Variants in QSOX2 observed in about 807,000 individuals in gnomAD.
QSOX2 encodes sulfhydryl oxidase 2.
A neutral mutation model predicts 61.7 loss-of-function variants in QSOX2; 46 were observed. The ratio of observed to expected loss-of-function variants is 0.75; its 90% CI spans 0.59 to 0.95. QSOX2 has a LOEUF of 0.95. Ranked by LOEUF, QSOX2 falls within the 40% of genes least tolerant of loss-of-function variation. The pLI is 0.00. For missense variants in QSOX2, 879 were observed against 918.9 expected, an observed-to-expected ratio of 0.96 and a Z score of 0.56; for synonymous variants, 383 against 388.4, an observed-to-expected ratio of 0.99 and a Z score of 0.16.
intron 1 of QSOX2, among the ~76,000 whole-genome samples, 175 bp downstream of exon 1, chr9:136,245,301 G>C (rs1460963347): frequency 6.6e-6 from 1 of 152,172 alleles, no homozygotes; most frequent in African/African-American, 2.4e-5. Flanking sequence ...CCCGCCCCTG[G>C]AAAGGCCAGG....
Position 136,221,469 on chromosome 9 carries a change from G to A in QSOX2, c.821+327C>T, listed in dbSNP as rs1391799091. Among the ~76,000 whole-genome samples the A allele has an allele frequency of 6.6e-6, 1 of 152,244 alleles. No individual in the cohort carries two copies. The highest frequency in any genetic ancestry group is 1.5e-5 in the Non-Finnish European group (1 of 68,044). On this transcript the variant is annotated intron_variant, in intron 6 of 11. Transcript: ENST00000358701. The surrounding 1 kb of genome is among the most constrained non-coding windows in gnomAD (Gnocchi z 4.5). ...GTCCACCCAGAGCAGGGTTTTAGGA[G>A]CATCGGCTGCTCCCAAAGCCCCGGC...
chr9:136,232,883 T>G (rs1830343490), intron 1 of QSOX2, among the ~76,000 whole-genome samples: 1 of 127,152 alleles, frequency 7.9e-6, no homozygotes, highest in South Asian at 2.4e-4. Context: ...ATTGCACCAC[T>G]GCACTCCAGC....
intron 6 of QSOX2, among the ~76,000 whole-genome samples, chr9:136,219,830 A>C (rs913687155): frequency 6.6e-6 from 1 of 152,214 alleles, no homozygotes; most frequent in East Asian, 1.9e-4. Context: ...TGACACTAAG[A>C]AGTTGTCTAG....
rs1287331919 is a variant in QSOX2 at position 136,223,612 on chromosome 9, A to G, written c.675+151T>C. The G allele has an allele frequency of 3.2e-6, 2 of 619,160 alleles. No individual in the cohort carries two copies. The highest frequency in any genetic ancestry group is 5.5e-5 in the East Asian group (2 of 36,254). 38.4% of individuals were successfully genotyped at this position (619,160 alleles called of 1,614,324 possible). A position where few individuals can be genotyped will look rare whatever the true frequency, so the allele number is the denominator to read the frequency against. On this transcript the variant is annotated intron_variant, in intron 5 of 11. Coordinates refer to ENST00000358701, the MANE Select transcript of QSOX2 (RefSeq NM_181701.4). The surrounding 1 kb of genome is among the most constrained non-coding windows in gnomAD (Gnocchi z 4.4). ...ACCAGTGACTTTGCTGAGTAACATTAACTAAGCTTCTGATAATGAACAAGA... is the reference window on the plus strand; with the variant it reads ...ACCAGTGACTTTGCTGAGTAACATTGACTAAGCTTCTGATAATGAACAAGA...
rs55810658 is a variant in QSOX2, at chr9:136,234,773, C to T, written c.329-7899G>A. Among the ~76,000 whole-genome samples the T allele has an allele frequency of 2.4e-3, 342 of 140,666 alleles. 19 individuals carry two copies. Among genetic ancestry groups the T allele is most frequent in the Middle Eastern group, 7.0e-3 (2 of 286 alleles). The allele number at this position is 140,666 out of a possible 152,430, so 92.3% of individuals were successfully genotyped here. On this transcript the variant is annotated intron_variant, in intron 1 of 11. Coordinates refer to ENST00000358701, the MANE Select transcript of QSOX2 (RefSeq NM_181701.4). ...CAAGGCCCCCCAGCTCCACTGCGCC[C>T]GCCCCAGCCTCATCGCGCCACACCC...
At position 136,208,181 on chromosome 9, in the gene QSOX2, G is replaced by A. The variant is rs1177469601; in HGVS notation, c.*547C>T. On this transcript the variant is annotated 3_prime_UTR_variant, in exon 12 of 12. Transcript: ENST00000358701. ...GGAGCACTTGCTTGGAGGGGCTGCA[G>A]AGGCCGACTGCGCTTCCGGCTCTGT... 1 of 149,786 alleles carries A rather than the reference G, an allele frequency of 6.7e-6. No homozygotes were observed. The highest frequency in any genetic ancestry group is 1.5e-5 in the Non-Finnish European group (1 of 67,332). 9.3% of individuals were successfully genotyped at this position (149,786 alleles called of 1,614,324 possible). A position where few individuals can be genotyped will look rare whatever the true frequency, so the allele number is the denominator to read the frequency against.
chr9:136,220,003 T>C (rs528354444), intron 6 of QSOX2, among the ~76,000 whole-genome samples: 4 of 152,206 alleles, frequency 2.6e-5, no homozygotes, highest in Non-Finnish European at 2.9e-5. Flanking sequence ...GTGGTTACCC[T>C]GAATTCCAGC....
intron 10 of QSOX2, among the ~76,000 whole-genome samples, chr9:136,213,095 G>T (rs1331169557): frequency 6.6e-6 from 1 of 152,120 alleles, no homozygotes; most frequent in Admixed American, 6.5e-5. Flanking sequence ...TGCCTTCAAG[G>T]AGCCGTTCCT....
At position 136,209,096 on chromosome 9, in the gene QSOX2, C is replaced by A; in HGVS notation, c.1729G>T (p.Asp577Tyr). 6.2e-7 allele frequency: 1 copy of A among 1,614,166 alleles called. No homozygotes were observed. The highest frequency in any genetic ancestry group is 1.7e-5 in the Admixed American group (1 of 60,022). ...LLDTYSADQG[D>Y]SSEGGTLARG... ...GCCAGGGTTCCTCCTTCACTGGAAT[C>A]CCCCTGGTCTGCGGAATACGTGTCT... Residue 577 changes from aspartate (D) to tyrosine (Y), a missense_variant, in exon 12 of 12, where the codon GAT becomes TAT. Coordinates refer to ENST00000358701, the MANE Select transcript of QSOX2 (RefSeq NM_181701.4). The surrounding 1 kb of genome is among the most constrained non-coding windows in gnomAD (Gnocchi z 5.6).
chr9:136,222,449 T>C lies in QSOX2; in HGVS notation c.676-508A>G, dbSNP rs1386745262. On this transcript the variant is annotated intron_variant, in intron 5 of 11. Coordinates refer to ENST00000358701, the MANE Select transcript of QSOX2 (RefSeq NM_181701.4). The surrounding 1 kb of genome is among the most constrained non-coding windows in gnomAD (Gnocchi z 6.9). ...ACCACAGGAGTGGCATCTCAGGATT[T>C]TGGAAGAAACCCTGCGTGCGCCACC... Among the ~76,000 whole-genome samples, 1 of 152,160 alleles carries C rather than the reference T, an allele frequency of 6.6e-6. No homozygotes were observed. Among genetic ancestry groups the C allele is most frequent in the Non-Finnish European group, 1.5e-5 (1 of 68,034 alleles).
chr9:136,219,566 G>A (rs1831956974), intron 6 of QSOX2, among the ~76,000 whole-genome samples: 1 of 152,142 alleles, frequency 6.6e-6, no homozygotes, highest in Non-Finnish European at 1.5e-5. Flanking sequence ...CTGGAAGTCG[G>A]GGCCTGGGGT....
At chr9:136,226,537 T>G (rs757904997) in intron 2 of QSOX2, among the ~76,000 whole-genome samples, 33 of 151,994 alleles carry the variant, frequency 2.2e-4, no homozygotes, top group Non-Finnish European at 3.8e-4. Flanking sequence ...ACCGGGTCTG[T>G]GTGAGCGTGG....
rs73668089 is a variant in QSOX2 at position 136,208,397 on chromosome 9, G to A, written c.*331C>T. On this transcript the variant is annotated 3_prime_UTR_variant, in exon 12 of 12. Transcript: ENST00000358701. ...GGAGGAAACGAGATGAAAGTGTGTGGGGAAGACTATCTGGCCTGGACTCTG... is the reference window on the plus strand; with the variant it reads ...GGAGGAAACGAGATGAAAGTGTGTGAGGAAGACTATCTGGCCTGGACTCTG... 7.5e-4 allele frequency: 157 copies of A among 208,908 alleles called. No individual in the cohort carries two copies. The highest frequency in any genetic ancestry group is 3.4e-3 in the African/African-American group (148 of 43,258). The allele number at this position is 208,908 out of a possible 1,614,324, so 12.9% of individuals were successfully genotyped here.
intron 7 of QSOX2, 63 bp downstream of exon 7, chr9:136,218,967 A>T (rs538251617): frequency 6.3e-7 from 1 of 1,593,198 alleles, no homozygotes; most frequent in East Asian, 2.2e-5. Flanking sequence ...CCGCCCTGCA[A>T]GCACGCAGCC....
At chr9:136,232,183 T>G (rs1830337740) in intron 1 of QSOX2, among the ~76,000 whole-genome samples, 1 of 152,208 alleles carries the variant, frequency 6.6e-6, no homozygotes, top group Non-Finnish European at 1.5e-5. Flanking sequence ...TCTGAGGACC[T>G]GCCGTCTTCC....
intron 1 of QSOX2, among the ~76,000 whole-genome samples, chr9:136,234,617 C>G (rs1307891044): frequency 3.9e-5 from 6 of 152,190 alleles, no homozygotes; most frequent in African/African-American, 1.4e-4. Flanking sequence ...CACCCAGGAA[C>G]CTTCCTGGGC....
At position 136,208,974 on chromosome 9, in the gene QSOX2, G is replaced by A; in HGVS notation, c.1851C>T (p.Pro617=). The A allele has an allele frequency of 1.2e-6, 2 of 1,613,618 alleles. No individual in the cohort carries two copies. Among genetic ancestry groups the A allele is most frequent in the Non-Finnish European group, 1.7e-6 (2 of 1,179,698 alleles). ...GCAAGCTCTCTGGAAGGGCAGGCCT[G>A]GGGCCCAGTGCACCAGGTGGACGGA... The part of the protein sequence containing the change: ...QSVRPPGALG[P]RPALPESLHH... Residue 617 remains proline, a synonymous_variant, in exon 12 of 12, where the codon CCC becomes CCT. Coordinates refer to ENST00000358701, the MANE Select transcript of QSOX2 (RefSeq NM_181701.4).
Position 136,215,134 on chromosome 9 carries a change from C to A in QSOX2, c.1360+20G>T. On this transcript the variant is annotated intron_variant, in intron 10 of 11. Coordinates refer to ENST00000358701, the MANE Select transcript of QSOX2 (RefSeq NM_181701.4). ...TTAGGCAGACCATCGGCCCCTCTGG[C>A]CTGTATGGGCACAGCTTACCTGTGC... The A allele has an allele frequency of 6.2e-7, 1 of 1,610,968 alleles. No individual in the cohort carries two copies. Among genetic ancestry groups the A allele is most frequent in the South Asian group, 1.1e-5 (1 of 90,492 alleles).
At chr9:136,213,156 T>C (rs1032509896) in intron 10 of QSOX2, among the ~76,000 whole-genome samples, 3 of 152,042 alleles carry the variant, frequency 2.0e-5, no homozygotes, top group Non-Finnish European at 4.4e-5. Context: ...GGGGATGGCA[T>C]GTCAGCTCAT....
Sources: allele counts gnomAD v4.1 joint callset (sites outside exome capture counted in the v4.1 genomes callset), GRCh38; gene constraint gnomAD v4.1.1; non-coding constraint Gnocchi (gnomAD v3.1); transcripts MANE v1.5; gene names NCBI Gene and HGNC (gene_info 2026-07-23, HGNC 2026-07-21).